The following SEC14L1 variants were observed in gnomAD, a reference collection of about 807,000 sequenced individuals.
The protein encoded by SEC14L1 is SEC14 like lipid binding 1, also known as SEC14-like protein 1.
SEC14L1 carries 48 observed loss-of-function variants against 85.3 expected under a neutral mutation model. That is an observed-to-expected ratio of 0.56 (90% CI 0.45 to 0.72). The LOEUF (loss-of-function observed/expected upper bound fraction) is 0.72. SEC14L1 is among the 30% of genes least tolerant of loss of function. The pLI is 0.00. For synonymous variants in SEC14L1, 391 were observed against 355.5 expected (o/e 1.10, Z -1.12); for missense variants, 682 against 921.4 (o/e 0.74, Z 3.36).
At chr17:77,119,149 A>G (rs916600619) in intron 3 of SEC14L1, among the ~76,000 whole-genome samples, 1 of 152,062 alleles carries the variant, frequency 6.6e-6, no homozygotes, top group African/African-American at 2.4e-5. Context: ...GTCTCTACTA[A>G]AAATACAAAA....
intron 3 of SEC14L1, among the ~76,000 whole-genome samples, chr17:77,146,461 T>C (rs910465743): frequency 9.2e-5 from 14 of 152,246 alleles, no homozygotes; most frequent in Admixed American, 1.3e-4. Flanking sequence ...TTGTGACGTT[T>C]ACCTTGCCAG....
chr17:77,189,325 T>C (rs910411278), intron 3 of SEC14L1, among the ~76,000 whole-genome samples: 1 of 152,180 alleles, frequency 6.6e-6, no homozygotes, highest in African/African-American at 2.4e-5. Flanking sequence ...CTTACCACGC[T>C]GGCCCAAACT....
Position 77,213,165 on chromosome 17 carries a change from A to G in SEC14L1, c.1864-149A>G. ...AGGACATTGTCAAACCTGCTGCTGA[A>G]GCAAAATAGCAGGTTCTGAATCCCA... On this transcript the variant is annotated intron_variant, in intron 15 of 16. Coordinates refer to ENST00000436233, the MANE Select transcript of SEC14L1 (RefSeq NM_001143998.2). The surrounding 1 kb of genome is among the most constrained non-coding windows in gnomAD (Gnocchi z 7.1). 1.4e-6 allele frequency: 1 copy of G among 693,502 alleles called. No individual in the cohort carries two copies. The highest frequency in any genetic ancestry group is 3.0e-5 in the Admixed American group (1 of 33,772). The allele number at this position is 693,502 out of a possible 1,614,324, so 43.0% of individuals were successfully genotyped here.
intron 3 of SEC14L1, among the ~76,000 whole-genome samples, chr17:77,145,856 G>A (rs1361283830): frequency 1.3e-5 from 2 of 152,130 alleles, no homozygotes; most frequent in Non-Finnish European, 1.5e-5. Context: ...CCATGTGCTG[G>A]AGCCTTCTAC....
intron 3 of SEC14L1, among the ~76,000 whole-genome samples, chr17:77,123,692 C>T (rs1972363034): frequency 1.3e-5 from 2 of 151,724 alleles, no homozygotes; most frequent in South Asian, 2.1e-4. Flanking sequence ...GGATTACAGG[C>T]GAGAGCCACC....
At chr17:77,113,242 A>T (rs1158066242) in intron 3 of SEC14L1, among the ~76,000 whole-genome samples, 1 of 152,224 alleles carries the variant, frequency 6.6e-6, no homozygotes, top group Non-Finnish European at 1.5e-5. Flanking sequence ...TATCTTGAGA[A>T]CAGAGTATTG....
chr17:77,205,778 C>T (rs1167207722), intron 11 of SEC14L1, among the ~76,000 whole-genome samples: 1 of 152,164 alleles, frequency 6.6e-6, no homozygotes, highest in Non-Finnish European at 1.5e-5. Flanking sequence ...TTTTTGAGGG[C>T]CTTTTGCTGA....
intron 13 of SEC14L1, among the ~76,000 whole-genome samples, chr17:77,208,612 C>T (rs772348195): frequency 6.6e-6 from 1 of 152,168 alleles, no homozygotes; most frequent in Non-Finnish European, 1.5e-5. Flanking sequence ...CTCTGGTGGC[C>T]GGAGGTTACT....
intron 9 of SEC14L1, among the ~76,000 whole-genome samples, chr17:77,202,401 C>T (rs930518504): frequency 1.3e-5 from 2 of 152,038 alleles, no homozygotes; most frequent in African/African-American, 4.8e-5. Flanking sequence ...GGTGGATCAC[C>T]TGAGATCAGG....
chr17:77,096,577 A>G (rs995650005), intron 3 of SEC14L1, among the ~76,000 whole-genome samples: 11 of 151,542 alleles, frequency 7.3e-5, no homozygotes, highest in African/African-American at 2.7e-4. Context: ...TCACCGTGGG[A>G]CACAAGCCCT....
intron 3 of SEC14L1, among the ~76,000 whole-genome samples, chr17:77,167,587 A>G (rs1974340610): frequency 1.3e-5 from 2 of 152,192 alleles, no homozygotes; most frequent in South Asian, 2.1e-4. Context: ...GAGAATTACC[A>G]TATACCTTCT....
intron 2 of SEC14L1, among the ~76,000 whole-genome samples, chr17:77,091,363 C>T (rs1394313572): frequency 2.0e-5 from 3 of 152,204 alleles, no homozygotes; most frequent in Non-Finnish European, 4.4e-5. Flanking sequence ...GCTGGGATTA[C>T]AGGCTTGAAC....
At chr17:77,202,612 C>T (rs780188558) in intron 9 of SEC14L1, among the ~76,000 whole-genome samples, 2 of 151,602 alleles carry the variant, frequency 1.3e-5, no homozygotes, top group South Asian at 2.1e-4. Context: ...AGCAAGACTT[C>T]GTCTCAAATA....
In SEC14L1 at chr17:77,206,578, C is replaced by T; in HGVS notation, c.1342-150C>T. The T allele has an allele frequency of 8.4e-7, 1 of 1,192,582 alleles. No homozygotes were observed. The highest frequency in any genetic ancestry group is 2.5e-5 in the Admixed American group (1 of 39,666). The allele number at this position is 1,192,582 out of a possible 1,614,324, so 73.9% of individuals were successfully genotyped here. On this transcript the variant is annotated intron_variant, in intron 12 of 16. Coordinates refer to ENST00000436233, the MANE Select transcript of SEC14L1 (RefSeq NM_001143998.2). This position sits in a 1 kb window ranked among gnomAD's most constrained non-coding sequence, Gnocchi z 4.3. ...AGGGGAAAAACAAAATGTGAGTGTC[C>T]TAATGCCATGCAAATAGACTTTACA...
rs149969850 is a variant in SEC14L1, at chr17:77,175,238, C to CGA, written c.64-15556_64-15555dup. Among the ~76,000 whole-genome samples, 534 of 152,228 alleles carry CGA rather than the reference C, an allele frequency of 3.5e-3. 1 individual carries two copies. Among genetic ancestry groups the CGA allele is most frequent in the African/African-American group, 0.012 (496 of 41,526 alleles). On this transcript the variant is annotated intron_variant, in intron 3 of 16. Coordinates refer to ENST00000436233, the MANE Select transcript of SEC14L1 (RefSeq NM_001143998.2). The stretch of plus-strand genomic sequence containing the variant: ...AGTATTGTTGCAGGATTCAGGAGGA[C>CGA]GAGAGAGAGATCTCGGGTTAAAACA...
chr17:77,160,477 C>T (rs1490528661), intron 3 of SEC14L1, among the ~76,000 whole-genome samples: 1 of 152,172 alleles, frequency 6.6e-6, no homozygotes, highest in African/African-American at 2.4e-5. Flanking sequence ...TGGATGCTTT[C>T]AGCATCATGT....
chr17:77,181,040 G>A (rs1975013020), intron 3 of SEC14L1: 1 of 152,120 alleles, frequency 6.6e-6, no homozygotes. Context: ...AAGTAGCTTC[G>A]ATGTTTATTT....
intron 1 of SEC14L1, chr17:77,141,569 C>T (rs79381466): frequency 0.015 from 2,242 of 152,246 alleles, 51 homozygotes; most frequent in Admixed American, 0.041. Flanking sequence ...CCTGTTTAAA[C>T]AGCGATTGTC....
chr17:77,178,774 G>A (rs540991172), intron 3 of SEC14L1, among the ~76,000 whole-genome samples: 27 of 152,332 alleles, frequency 1.8e-4, no homozygotes, highest in African/African-American at 6.5e-4. Context: ...AGGAGGTGGA[G>A]CTCAGGCAGT....
Sources: gnomAD v4.1 joint callset for allele counts (sites outside exome capture counted in the v4.1 genomes callset) on GRCh38, gnomAD v4.1.1 for gene constraint, Gnocchi (gnomAD v3.1) non-coding constraint, MANE v1.5 for transcripts, NCBI Gene and HGNC (gene_info 2026-07-23, HGNC 2026-07-21) for gene names.